The following RANBP2 variants were observed in gnomAD, a reference collection of about 807,000 sequenced individuals.
The protein encoded by RANBP2 is E3 SUMO-protein ligase RanBP2.
Under a neutral mutation model 303.6 loss-of-function variants are expected in RANBP2, and 57 were observed. That is an observed-to-expected ratio of 0.19 (90% CI 0.15 to 0.23). RANBP2 has a LOEUF of 0.23. RANBP2 is among the 10% of genes least tolerant of loss of function. The pLI, the probability that RANBP2 is intolerant of heterozygous loss-of-function variation, is 1.00. For missense variants in RANBP2, 3,138 were observed against 3,780.8 expected, an observed-to-expected ratio of 0.83 and a Z score of 4.46; for synonymous variants, 1,167 against 1,301.5, an observed-to-expected ratio of 0.90 and a Z score of 2.23.
Position 108,766,923 on chromosome 2 carries a change from A to G in RANBP2, c.6384A>G (p.Thr2128=). The change falls in exon 20 of 29, where the codon ACA becomes ACG. Residue 2128 remains threonine, a synonymous_variant. Coordinates refer to ENST00000283195, the MANE Select transcript of RANBP2 (RefSeq NM_006267.5). Reference sequence around the variant, plus strand: ...AGCAGTTGGCAGCAAAATTTAAAACACCAGAGCTGGCTGAAGAATTCAAGC... The same window carrying G: ...AGCAGTTGGCAGCAAAATTTAAAACGCCAGAGCTGGCTGAAGAATTCAAGC... ...KLEQLAAKFK[T]PELAEEFKQK... The G allele has an allele frequency of 6.2e-7, 1 of 1,610,026 alleles. No homozygotes were observed. Among genetic ancestry groups the G allele is most frequent in the Admixed American group, 1.7e-5 (1 of 60,018 alleles).
the RANBP2 span, among the ~76,000 whole-genome samples, chr2:109,629,355 ATTTTTTTTT>A: frequency 6.5e-5 from 1 of 15,360 alleles, no homozygotes; most frequent in African/African-American, 1.8e-4. Flanking sequence ...ATATATATAT[ATTTTTTTTT>A]TTTTTTTCAT....
At chr2:109,238,449 TTGTGTGTGTGTGTGTGTGTG>T in the RANBP2 span, among the ~76,000 whole-genome samples, 12,651 of 142,694 alleles carry the variant, frequency 0.089, 1,011 homozygotes, top group East Asian at 0.32. Context: ...TTATGTATAT[TTGTGTGTGTGTGTGTGTGTG>T]TGTGTGTGTG....
chr2:109,557,231 T>C, the RANBP2 span, among the ~76,000 whole-genome samples: 1 of 152,162 alleles, frequency 6.6e-6, no homozygotes, highest in African/African-American at 2.4e-5. Context: ...CATAAGTTTT[T>C]TAAAACAATG....
At chr2:109,415,590 G>C in the RANBP2 span, among the ~76,000 whole-genome samples, 1 of 152,152 alleles carries the variant, frequency 6.6e-6, no homozygotes, top group Non-Finnish European at 1.5e-5. Flanking sequence ...TCCCTGCAAA[G>C]CTGCAGGTCC....
chr2:108,750,292 T>C (rs1224980084), intron 9 of RANBP2, among the ~76,000 whole-genome samples: 3 of 152,262 alleles, frequency 2.0e-5, no homozygotes, highest in African/African-American at 7.2e-5. Context: ...ATATCACTTT[T>C]ATTGGCAATA....
rs776538861 is a variant in RANBP2, at chr2:108,765,177, G to A, written c.4638G>A (p.Gln1546=). The change falls in exon 20 of 29, where the codon CAG becomes CAA. Residue 1546 remains glutamine, a synonymous_variant. Transcript: ENST00000283195. ...ACATGTTTGCTAAGAAGGAAGGACA[G>A]TGGGATTGCAGTTCATGCTTAGTGC... ...FEDMFAKKEG[Q]WDCSSCLVRN... The A allele has an allele frequency of 6.2e-6, 10 of 1,614,094 alleles. No individual in the cohort carries two copies. The Admixed American group carries it at 1.3e-4, about 22-fold the overall frequency.
the RANBP2 span, among the ~76,000 whole-genome samples, chr2:109,271,700 G>C: frequency 6.6e-6 from 1 of 152,182 alleles, no homozygotes. Context: ...AGGACGAAGG[G>C]CCCCCCTCTG....
the RANBP2 span, among the ~76,000 whole-genome samples, chr2:108,918,388 G>A: frequency 6.6e-6 from 1 of 152,220 alleles, no homozygotes; most frequent in African/African-American, 2.4e-5. Context: ...TCTGCCTCTT[G>A]GGATGCTTGT....
At chr2:109,732,715 GCCTTGGTTTA>G in the RANBP2 span, 2 of 614,792 alleles carry the variant, frequency 3.3e-6, no homozygotes, top group Admixed American at 1.9e-5. Flanking sequence ...TGATCCGCCC[GCCTTGGTTTA>G]TGTAGGTTTA....
chr2:108,911,115 C>T, the RANBP2 span: 1 of 1,613,200 alleles, frequency 6.2e-7, no homozygotes, highest in Non-Finnish European at 8.5e-7. Flanking sequence ...AGCTCAGGAT[C>T]CCTGCTGGTC....
chr2:109,565,768 A>G, the RANBP2 span: 2 of 1,613,324 alleles, frequency 1.2e-6, no homozygotes, highest in South Asian at 2.2e-5. Context: ...TTTACCTTGT[A>G]CAACACCCCA....
chr2:109,008,355 G>A, the RANBP2 span, among the ~76,000 whole-genome samples: 1 of 152,178 alleles, frequency 6.6e-6, no homozygotes, highest in African/African-American at 2.4e-5. Context: ...GATGGAAGTG[G>A]TAAGGAGATA....
the RANBP2 span, among the ~76,000 whole-genome samples, chr2:109,420,251 A>G: frequency 6.6e-6 from 1 of 152,174 alleles, no homozygotes; most frequent in African/African-American, 2.4e-5. Context: ...GAAGAATTAG[A>G]CTCCCTTTTG....
chr2:109,024,849 T>C, the RANBP2 span, among the ~76,000 whole-genome samples: 1 of 152,350 alleles, frequency 6.6e-6, no homozygotes, highest in East Asian at 1.9e-4. Context: ...ATTTTATGAT[T>C]GCAAAAACTA....
At chr2:109,515,531 C>T in the RANBP2 span, among the ~76,000 whole-genome samples, 1 of 152,086 alleles carries the variant, frequency 6.6e-6, no homozygotes, top group Admixed American at 6.6e-5. Context: ...CTCAAACCCA[C>T]CTCCCCACTG....
the RANBP2 span, chr2:108,794,666 C>T: frequency 1.2e-6 from 2 of 1,614,052 alleles, no homozygotes; most frequent in Non-Finnish European, 1.7e-6. Context: ...AGTTTACTTC[C>T]ACATCAGATC....
chr2:109,229,712 G>A, the RANBP2 span, among the ~76,000 whole-genome samples: 3 of 152,188 alleles, frequency 2.0e-5, no homozygotes, highest in East Asian at 3.9e-4. Context: ...TAGGTACCTC[G>A]TATAACTGGA....
the RANBP2 span, among the ~76,000 whole-genome samples, chr2:109,708,252 G>A: frequency 6.6e-6 from 1 of 152,032 alleles, no homozygotes; most frequent in Non-Finnish European, 1.5e-5. Context: ...TGGGCATGGT[G>A]GCACACGCCT....
At chr2:109,627,634 A>G in the RANBP2 span, among the ~76,000 whole-genome samples, 1 of 152,244 alleles carries the variant, frequency 6.6e-6, no homozygotes, top group Non-Finnish European at 1.5e-5. Context: ...TCAGCTCCCC[A>G]GAAGCCCCTC....
Sources: gnomAD v4.1 joint callset for allele counts (sites outside exome capture counted in the v4.1 genomes callset) on GRCh38, gnomAD v4.1.1 for gene constraint, MANE v1.5 for transcripts, NCBI Gene and HGNC (gene_info 2026-07-23, HGNC 2026-07-21) for gene names.